Variants in HCN1 observed in about 807,000 individuals in gnomAD.
HCN1 encodes potassium/sodium hyperpolarization-activated cyclic nucleotide-gated channel 1.
Under a neutral mutation model 78.9 loss-of-function variants are expected in HCN1, and 13 were observed. That is an observed-to-expected ratio of 0.16 (90% CI 0.11 to 0.26). The LOEUF (loss-of-function observed/expected upper bound fraction) is 0.26. Ranked by LOEUF, HCN1 falls within the 10% of genes least tolerant of loss-of-function variation. HCN1 has a pLI of 1.00. For missense variants in HCN1, 810 were observed against 1,154.3 expected (o/e 0.70, Z 4.32); for synonymous variants, 552 against 455.5 (o/e 1.21, Z -2.70).
chr5:45,402,369 A>G (rs948192768), intron 3 of HCN1, among the ~76,000 whole-genome samples: 1 of 152,166 alleles, frequency 6.6e-6, no homozygotes, highest in Non-Finnish European at 1.5e-5. Flanking sequence ...AACATACAAC[A>G]TCAGCAGACA....
intron 2 of HCN1, among the ~76,000 whole-genome samples, chr5:45,602,912 A>C (rs1200866550): frequency 6.6e-6 from 1 of 152,148 alleles, no homozygotes; most frequent in Non-Finnish European, 1.5e-5. Flanking sequence ...AGTGATCAGA[A>C]GCAATCTGAA....
intron 6 of HCN1, among the ~76,000 whole-genome samples, chr5:45,290,247 T>C (rs1321580006): frequency 6.6e-6 from 1 of 152,034 alleles, no homozygotes; most frequent in Admixed American, 6.6e-5. Context: ...TAAACCTCTC[T>C]TTCTTTATAA....
intron 5 of HCN1, among the ~76,000 whole-genome samples, chr5:45,312,879 T>G (rs1325307203): frequency 6.6e-6 from 1 of 152,148 alleles, no homozygotes; most frequent in African/African-American, 2.4e-5. Flanking sequence ...AGGCTCGACC[T>G]GCATGGAGCC....
intron 2 of HCN1, among the ~76,000 whole-genome samples, chr5:45,494,639 A>G (rs1211102268): frequency 6.6e-6 from 1 of 152,000 alleles, no homozygotes; most frequent in African/African-American, 2.4e-5. Context: ...TTTTGTTGCC[A>G]TTGCTTTTGG....
chr5:45,357,912 A>C (rs903937077), intron 4 of HCN1, among the ~76,000 whole-genome samples: 2 of 151,972 alleles, frequency 1.3e-5, no homozygotes, highest in Non-Finnish European at 2.9e-5. Context: ...AGTTCCCTAG[A>C]GAGCTTGATG....
chr5:45,673,360 T>C (rs1331164394), intron 1 of HCN1, among the ~76,000 whole-genome samples: 2 of 151,568 alleles, frequency 1.3e-5, no homozygotes, highest in Non-Finnish European at 3.0e-5. Context: ...GAAATTACTA[T>C]TGACAGCCTA....
At chr5:45,459,233 C>T (rs1448309515) in intron 3 of HCN1, among the ~76,000 whole-genome samples, 1 of 151,610 alleles carries the variant, frequency 6.6e-6, no homozygotes, top group Non-Finnish European at 1.5e-5. Context: ...GCAAGACCCC[C>T]ATCTCAAAAA....
intron 3 of HCN1, among the ~76,000 whole-genome samples, chr5:45,418,876 T>C (rs1049292461): frequency 3.3e-5 from 5 of 152,172 alleles, no homozygotes; most frequent in Non-Finnish European, 5.9e-5. Context: ...TAATTCTATA[T>C]GTCATTAACA....
chr5:45,562,881 C>A (rs893448778), intron 2 of HCN1, among the ~76,000 whole-genome samples: 1 of 152,030 alleles, frequency 6.6e-6, no homozygotes, highest in Non-Finnish European at 1.5e-5. Context: ...TAATAAAAGG[C>A]AACATTAATT....
chr5:45,492,524 T>TG (rs1443390420), intron 2 of HCN1, among the ~76,000 whole-genome samples: 6 of 135,482 alleles, frequency 4.4e-5, no homozygotes, highest in South Asian at 2.2e-4. Flanking sequence ...TTTTTGTTTT[T>TG]TTTTTTTTTT....
At chr5:45,580,528 GT>G (rs1024327801) in intron 2 of HCN1, among the ~76,000 whole-genome samples, 3 of 151,734 alleles carry the variant, frequency 2.0e-5, no homozygotes, top group South Asian at 2.1e-4. Flanking sequence ...AAGATTTGTT[GT>G]TTTTTTGTTT....
rs369811072 is a variant in HCN1 at position 45,591,864 on chromosome 5, A to G, written c.849+53321T>C. 7.2e-5 allele frequency among the ~76,000 whole-genome samples: 11 copies of G among 152,314 alleles called. No homozygotes were observed. In the East Asian group the frequency reaches 1.5e-3, roughly 21 times the overall value. ...TGTGGCATCTAAAGAGTATCACTGA[A>G]TCCAAGATTATCTAGGTTTTCTCCT... On this transcript the variant is annotated intron_variant, in intron 2 of 7. Coordinates refer to ENST00000303230, the MANE Select transcript of HCN1 (RefSeq NM_021072.4).
At chr5:45,377,328 T>C (rs1747703421) in intron 4 of HCN1, among the ~76,000 whole-genome samples, 1 of 152,056 alleles carries the variant, frequency 6.6e-6, no homozygotes, top group Non-Finnish European at 1.5e-5. Context: ...TCTTGAGACC[T>C]AATTCCCATT....
intron 5 of HCN1, among the ~76,000 whole-genome samples, chr5:45,307,112 TCAAA>T (rs1221406754): frequency 2.0e-5 from 3 of 151,944 alleles, no homozygotes; most frequent in South Asian, 2.1e-4. Flanking sequence ...TTACCAACGG[TCAAA>T]CAAAGCTGGA....
At chr5:45,593,371 C>G (rs997933483) in intron 2 of HCN1, among the ~76,000 whole-genome samples, 2 of 148,048 alleles carry the variant, frequency 1.4e-5, no homozygotes, top group Admixed American at 1.3e-4. Flanking sequence ...CACACACACA[C>G]CCCACATGTA....
intron 2 of HCN1, among the ~76,000 whole-genome samples, chr5:45,526,422 C>A (rs1316014997): frequency 1.3e-5 from 2 of 152,048 alleles, no homozygotes; most frequent in Admixed American, 6.6e-5. Flanking sequence ...TGGCCTTCGG[C>A]CTTCATGCAC....
chr5:45,309,763 T>C (rs1392488620), intron 5 of HCN1, among the ~76,000 whole-genome samples: 1 of 152,162 alleles, frequency 6.6e-6, no homozygotes, highest in Non-Finnish European at 1.5e-5. Flanking sequence ...CTGGATTCTG[T>C]TTGCCAGCAT....
rs535557403 is a variant in HCN1, at chr5:45,479,332, C to G, written c.850-17325G>C. Among the ~76,000 whole-genome samples, 3 of 152,076 alleles carry G rather than the reference C, an allele frequency of 2.0e-5. No individual in the cohort carries two copies. The South Asian group carries it at 6.2e-4, about 32-fold the overall frequency. On this transcript the variant is annotated intron_variant, in intron 2 of 7. Coordinates refer to ENST00000303230, the MANE Select transcript of HCN1 (RefSeq NM_021072.4). ...CTTGAACTATGAATGACTTTAGAAG[C>G]CTTATTTAGGAAAGTAACAATATTA...
intron 2 of HCN1, among the ~76,000 whole-genome samples, chr5:45,598,355 C>T (rs944928226): frequency 1.3e-5 from 2 of 152,110 alleles, no homozygotes; most frequent in African/African-American, 4.8e-5. Flanking sequence ...GGAAAACTGG[C>T]TAGCCATATG....
Sources: gnomAD v4.1 joint callset for allele counts (sites outside exome capture counted in the v4.1 genomes callset) on GRCh38, gnomAD v4.1.1 for gene constraint, MANE v1.5 for transcripts, NCBI Gene and HGNC (gene_info 2026-07-23, HGNC 2026-07-21) for gene names.